The following SNX13 variants were observed in gnomAD, a reference collection of about 807,000 sequenced individuals.
The protein encoded by SNX13 is sorting nexin 13.
Under a neutral mutation model 133.6 loss-of-function variants are expected in SNX13, and 45 were observed. The observed-to-expected ratio is 0.34, with a 90% CI of 0.27 to 0.43. SNX13 has a LOEUF of 0.43. Ranked by LOEUF, SNX13 falls within the 20% of genes least tolerant of loss-of-function variation. The pLI is 1.00. For synonymous variants in SNX13, 414 were observed against 373.9 expected (o/e 1.11, Z -1.24); for missense variants, 1,032 against 1,145.1 (o/e 0.90, Z 1.43).
chr7:17,848,787 CAA>C lies in SNX13; in HGVS notation c.1065+1558_1065+1559del, dbSNP rs1301739198. ...TGGCTTGCTCACGCGCTCCCCACCA[CAA>C]AGAGTTGAGAACAGCAGGCTGAGCA... On this transcript the variant is annotated intron_variant, in intron 11 of 25. Transcript: ENST00000428135. 2.6e-5 allele frequency among the ~76,000 whole-genome samples: 4 copies of C among 152,366 alleles called. No homozygotes were observed. The South Asian group carries it at 6.2e-4, about 24-fold the overall frequency.
intron 14 of SNX13, 90 bp downstream of exon 14, chr7:17,834,671 C>T: frequency 1.3e-6 from 1 of 778,722 alleles, no homozygotes; most frequent in Non-Finnish European, 2.0e-6. Flanking sequence ...TACCACTCTA[C>T]TTTTAGAAAG....
At chr7:17,831,741 G>A (rs1407357574) in intron 15 of SNX13, 1 of 983,858 alleles carries the variant, frequency 1.0e-6, no homozygotes, top group East Asian at 1.1e-4. Context: ...AATGCATGTA[G>A]TGCTCAGCAG....
At chr7:17,932,212 A>G (rs1333095644) in intron 1 of SNX13, among the ~76,000 whole-genome samples, 2 of 152,222 alleles carry the variant, frequency 1.3e-5, no homozygotes, top group African/African-American at 4.8e-5. Flanking sequence ...AAGAGATACA[A>G]AACAAAATCC....
intron 16 of SNX13, among the ~76,000 whole-genome samples, chr7:17,829,605 T>G (rs895003095): frequency 6.6e-6 from 1 of 151,430 alleles, no homozygotes; most frequent in Non-Finnish European, 1.5e-5. Context: ...TAGTTTTGTA[T>G]TTCTTTCTAA....
At chr7:17,853,950 TAAAAA>T (rs1306279612) in intron 9 of SNX13, among the ~76,000 whole-genome samples, 9 of 132,374 alleles carry the variant, frequency 6.8e-5, no homozygotes, top group South Asian at 2.4e-4. Flanking sequence ...CCAAAAAAAA[TAAAAA>T]AAGAAAAAAA....
chr7:17,816,498 C>T (rs1191341858), intron 18 of SNX13, among the ~76,000 whole-genome samples: 1 of 152,084 alleles, frequency 6.6e-6, no homozygotes, highest in Non-Finnish European at 1.5e-5. Context: ...CCTGTCTCTA[C>T]TAAAAATACA....
chr7:17,911,565 G>C (rs1798981827), intron 1 of SNX13, among the ~76,000 whole-genome samples: 1 of 150,456 alleles, frequency 6.6e-6, no homozygotes, highest in African/African-American at 2.4e-5. Flanking sequence ...CTTGAACCAG[G>C]AAGCAGAGAT....
intron 1 of SNX13, among the ~76,000 whole-genome samples, chr7:17,916,134 T>C (rs980094325): frequency 2.6e-5 from 4 of 152,140 alleles, no homozygotes; most frequent in African/African-American, 9.7e-5. Context: ...ACCTCTGGGT[T>C]GCGACAAACA....
At chr7:17,840,534 T>C (rs143108461) in intron 12 of SNX13, among the ~76,000 whole-genome samples, 20 of 152,194 alleles carry the variant, frequency 1.3e-4, no homozygotes, top group Non-Finnish European at 2.9e-4. Flanking sequence ...AAACAGGTTA[T>C]ATACATTGTA....
chr7:17,901,025 A>G (rs185515679), intron 1 of SNX13, among the ~76,000 whole-genome samples: 288 of 152,230 alleles, frequency 1.9e-3, no homozygotes, highest in African/African-American at 6.7e-3. Context: ...CTCTTTAGTC[A>G]GCAGGCAATC....
intron 9 of SNX13, among the ~76,000 whole-genome samples, chr7:17,860,521 T>C (rs1000623193): frequency 2.0e-5 from 3 of 152,184 alleles, no homozygotes; most frequent in African/African-American, 4.8e-5. Flanking sequence ...TTTGTCTGAG[T>C]TTTTGGTATC....
chr7:17,873,677 G>C (rs548094848), intron 7 of SNX13, 61 bp from the exon 8 acceptor site: 38 of 983,422 alleles, frequency 3.9e-5, no homozygotes, highest in East Asian at 2.6e-4. Flanking sequence ...ACTTCCTCTT[G>C]ATATATAAGA....
intron 5 of SNX13, chr7:17,882,783 C>G (rs561862798): frequency 3.3e-6 from 4 of 1,221,876 alleles, no homozygotes; most frequent in African/African-American, 1.6e-5. Flanking sequence ...CAAATCACTA[C>G]CACAATTCCC....
At chr7:17,894,166 G>A (rs577578737) in intron 2 of SNX13, among the ~76,000 whole-genome samples, 1 of 151,888 alleles carries the variant, frequency 6.6e-6, no homozygotes, top group East Asian at 1.9e-4. Context: ...AGCTGGGTGT[G>A]GTGACATGCA....
intron 1 of SNX13, among the ~76,000 whole-genome samples, chr7:17,916,932 G>A (rs1562521086): frequency 6.6e-6 from 1 of 152,036 alleles, no homozygotes; most frequent in Non-Finnish European, 1.5e-5. Context: ...CTAGCAAACT[G>A]AACCCAACAA....
chr7:17,817,837 A>G (rs907696139), intron 18 of SNX13, among the ~76,000 whole-genome samples: 2 of 152,150 alleles, frequency 1.3e-5, no homozygotes, highest in South Asian at 2.1e-4. Flanking sequence ...TACTGACTCA[A>G]TTTTAGAAAA....
intron 1 of SNX13, among the ~76,000 whole-genome samples, chr7:17,927,933 C>G (rs936865402): frequency 6.6e-6 from 1 of 152,160 alleles, no homozygotes; most frequent in African/African-American, 2.4e-5. Flanking sequence ...CAGCAGTTCC[C>G]TGGTACAAAA....
intron 12 of SNX13, among the ~76,000 whole-genome samples, chr7:17,840,886 G>T (rs1409186913): frequency 6.6e-6 from 1 of 152,042 alleles, no homozygotes; most frequent in African/African-American, 2.4e-5. Context: ...TGGAACTCTG[G>T]AATCTAATGA....
chr7:17,855,956 C>T (rs755680565), intron 9 of SNX13, among the ~76,000 whole-genome samples: 1 of 152,118 alleles, frequency 6.6e-6, no homozygotes, highest in Non-Finnish European at 1.5e-5. Context: ...ATTCTAGATG[C>T]CATTATGAAT....
Sources: gnomAD v4.1 joint callset for allele counts (sites outside exome capture counted in the v4.1 genomes callset) on GRCh38, gnomAD v4.1.1 for gene constraint, MANE v1.5 for transcripts, NCBI Gene and HGNC (gene_info 2026-07-23, HGNC 2026-07-21) for gene names.